NEU4: variants seen among roughly 807,000 people sequenced by gnomAD.
NEU4 encodes neuraminidase 4, also known as sialidase-4.
In NEU4, 7 loss-of-function variants were observed where a neutral mutation model predicts 9.9. That is an observed-to-expected ratio of 0.71 (90% CI 0.40 to 1.33). The LOEUF (loss-of-function observed/expected upper bound fraction) is 1.33, where lower values mean the gene tolerates loss of function less well. NEU4 is among the 40% of genes most tolerant of loss of function. The pLI, the probability that NEU4 is intolerant of heterozygous loss-of-function variation, is 0.01. For missense variants in NEU4, 717 were observed against 712.6 expected (o/e 1.01, Z -0.07); for synonymous variants, 348 against 316.9 (o/e 1.10, Z -1.04).
intron 1 of NEU4, chr2:241,814,278 G>A (rs1487116051): frequency 2.6e-5 from 16 of 621,236 alleles, no homozygotes; most frequent in Non-Finnish European, 4.4e-5. Flanking sequence ...GAGTGGGTGC[G>A]AGGGAGGGTG....
In NEU4 at chr2:241,815,743, G is replaced by A. The variant is rs1007306526; in HGVS notation, c.458-308G>A. ...ACAGCAGGGAGTGCAGCAGACACAT[G>A]GCCAACCCAGGGACCCCACTGCAGG... is the stretch of plus-strand genomic sequence containing the variant. On this transcript the variant is annotated intron_variant, in intron 3 of 3. Coordinates refer to ENST00000407683, the MANE Select transcript of NEU4 (RefSeq NM_001167600.3). 5.3e-6 allele frequency: 3 copies of A among 568,832 alleles called. No individual in the cohort carries two copies. The Admixed American group carries it at 9.0e-5, about 17-fold the overall frequency. 35.2% of individuals were successfully genotyped at this position (568,832 alleles called of 1,614,324 possible).
chr2:241,815,330 G>C (rs1164117972), intron 3 of NEU4, 183 bp downstream of exon 3: 2 of 910,254 alleles, frequency 2.2e-6, no homozygotes, highest in African/African-American at 1.7e-5. Flanking sequence ...CCCCAGGACC[G>C]TCCTGAGCCT....
At chr2:241,811,282 C>A (rs974829918) in intron 1 of NEU4, 1 of 1,284,674 alleles carries the variant, frequency 7.8e-7, no homozygotes, top group African/African-American at 1.5e-5. Context: ...ATCTGCACCC[C>A]TGGCCCTGCT....
chr2:241,814,159 C>A, intron 1 of NEU4: 1 of 647,362 alleles, frequency 1.5e-6, no homozygotes, highest in Non-Finnish European at 2.9e-6. Context: ...GTCCCGGGGG[C>A]TCTCTGGCCA....
At position 241,811,143 on chromosome 2, in the gene NEU4, G is replaced by C. The variant is rs887031653; in HGVS notation, c.-4+1869G>C. ...GGAGGTCAACTGCGGCCTCACAGCT[G>C]GGCCTGTCCCAGCACAGCCCTTGTT... is the stretch of plus-strand genomic sequence containing the variant. On this transcript the variant is annotated intron_variant, in intron 1 of 3. Transcript: ENST00000407683. The C allele has an allele frequency of 6.6e-6, 8 of 1,220,384 alleles. No individual in the cohort carries two copies. In the South Asian group the frequency reaches 3.4e-4, roughly 52 times the overall value. 75.6% of individuals were successfully genotyped at this position (1,220,384 alleles called of 1,614,324 possible).
chr2:241,814,594 T>A lies in NEU4; in HGVS notation c.110T>A (p.Leu37Gln), dbSNP rs768391329. 5.0e-6 allele frequency: 8 copies of A among 1,611,574 alleles called. No individual in the cohort carries two copies. In the African/African-American group the frequency reaches 1.1e-4, roughly 22 times the overall value. ...CCCGTGCCCCCCGGGCCCACCCTGC[T>A]GGCCTTTGTGGAGCAGCGGCTCAGC... ...LLPVPPGPTL[L>Q]AFVEQRLSPD... Residue 37 changes from leucine (L) to glutamine (Q), a missense_variant, in exon 2 of 4, where the codon CTG becomes CAG. Physicochemically the swap from Leu to Gln is moderately radical, Grantham distance 113. Coordinates refer to ENST00000407683, the MANE Select transcript of NEU4 (RefSeq NM_001167600.3).
At position 241,816,240 on chromosome 2, in the gene NEU4, C is replaced by T; in HGVS notation, c.647C>T (p.Pro216Leu). The change falls in exon 4 of 4, where the codon CCC becomes CTC. Residue 216 changes from proline (P) to leucine (L), a missense_variant. Transcript: ENST00000407683. Reference protein sequence around the residue: ...GRTWRCGGLVPNLRSGECQLA... With the variant: ...GRTWRCGGLVLNLRSGECQLA... ...ACCTGGCGCTGTGGAGGCCTCGTGC[C>T]CAACCTGCGCTCAGGCGAGTGCCAG... 1 of 1,610,600 alleles carries T rather than the reference C, an allele frequency of 6.2e-7. No individual in the cohort carries two copies. The highest frequency in any genetic ancestry group is 8.5e-7 in the Non-Finnish European group (1 of 1,179,114).
Position 241,816,714 on chromosome 2 carries a change from G to T in NEU4, c.1121G>T (p.Ser374Ile). The part of the protein sequence containing the change: ...LPMPFAAPPQ[S>I]PTWLLYSHPV... ...ATGCCCTTTGCTGCCCCGCCCCAGA[G>T]CCCCACGTGGCTGCTGTACTCCCAC... Residue 374 changes from serine to isoleucine, a missense_variant, in exon 4 of 4, where the codon AGC (serine) becomes ATC (isoleucine). Ser to Ile is a moderately radical substitution (Grantham distance 142). Transcript: ENST00000407683. 1 of 1,544,772 alleles carries T rather than the reference G, an allele frequency of 6.5e-7. No individual in the cohort carries two copies.
At chr2:241,813,445 G>A (rs1700191579) in intron 1 of NEU4, 1 of 1,141,224 alleles carries the variant, frequency 8.8e-7, no homozygotes, top group South Asian at 1.8e-5. Context: ...CCACCTCCCT[G>A]TGCCGGGCTG....
At chr2:241,811,665 G>T in intron 1 of NEU4, 1 of 413,452 alleles carries the variant, frequency 2.4e-6, no homozygotes. Flanking sequence ...GGCCCCTCCA[G>T]CAAGAGGTCC....
intron 1 of NEU4, chr2:241,813,632 C>T (rs780229391): frequency 3.2e-5 from 28 of 873,876 alleles, no homozygotes; most frequent in South Asian, 9.7e-5. Context: ...GGGCCCCACT[C>T]GGCTTTGGAG....
At chr2:241,815,776 G>GC in intron 3 of NEU4, 5 of 586,102 alleles carry the variant, frequency 8.5e-6, no homozygotes, top group South Asian at 8.0e-5. Context: ...AGGGCCTCAT[G>GC]CCCCCCGCCT....
chr2:241,813,537 G>C, intron 1 of NEU4: 1 of 1,253,026 alleles, frequency 8.0e-7, no homozygotes, highest in Non-Finnish European at 1.0e-6. Context: ...GCAACAAGCA[G>C]ACCCCATGCG....
At position 241,815,163 on chromosome 2, in the gene NEU4, G is replaced by A. The variant is rs1575382657; in HGVS notation, c.457+16G>A. The A allele has an allele frequency of 6.6e-7, 1 of 1,523,718 alleles. No homozygotes were observed. The highest frequency in any genetic ancestry group is 2.3e-5 in the East Asian group (1 of 43,418). 94.4% of individuals were successfully genotyped at this position (1,523,718 alleles called of 1,614,324 possible). ...GCCGTGCAGGGTAGGCGGGCAGGGT[G>A]CCGGTCTGGGTCCCTTTGATTGGCC... On this transcript the variant is annotated intron_variant, in intron 3 of 3. Transcript: ENST00000407683.
At position 241,816,505 on chromosome 2, in the gene NEU4, C is replaced by G. The variant is rs900719897; in HGVS notation, c.912C>G (p.Leu304=). Residue 304 remains leucine, a synonymous_variant, in exon 4 of 4, where the codon CTC becomes CTG. Transcript: ENST00000407683. ...DSWSVGPGSP[L]QPPLLGPGVH... is the part of the protein sequence containing the mutation. ...GGTCAGTGGGCCCCGGGAGTCCCCT[C>G]CAGCCTCCACTCCTCGGTCCTGGAG... 3 of 1,610,596 alleles carry G rather than the reference C, an allele frequency of 1.9e-6. No homozygotes were observed. Among genetic ancestry groups the G allele is most frequent in the Admixed American group, 3.3e-5 (2 of 59,856 alleles).
At chr2:241,809,335 T>A in intron 1 of NEU4, 61 bp downstream of exon 1, 2 of 1,009,018 alleles carry the variant, frequency 2.0e-6, no homozygotes, top group South Asian at 2.8e-5. Context: ...GTGTGTAGTT[T>A]GCAGTAGAGA....
In NEU4 at chr2:241,814,685, GGTGA is replaced by G. The variant is rs1216997471; in HGVS notation, c.201+8_201+11del. 3 of 1,547,568 alleles carry G rather than the reference GGTGA, an allele frequency of 1.9e-6. No homozygotes were observed. The highest frequency in any genetic ancestry group is 2.6e-6 in the Non-Finnish European group (3 of 1,149,086). ...GCACGCTGGCCGGGGGCTCCGTGCG[GGTGA>G]GTGAGTGGCCGGGGGCTCTGTGTGG... On this transcript the variant is annotated splice_donor_variant and splice_donor_region_variant and intron_variant, in intron 2 of 3. Coordinates refer to ENST00000407683, the MANE Select transcript of NEU4 (RefSeq NM_001167600.3). LOFTEE classifies it high-confidence loss of function.
At chr2:241,811,434 G>T in intron 1 of NEU4, 1 of 1,565,868 alleles carries the variant, frequency 6.4e-7, no homozygotes, top group African/African-American at 1.4e-5. Context: ...CACCCATGAT[G>T]AGCTCTGCAG....
intron 1 of NEU4, 155 bp downstream of exon 1, chr2:241,809,429 C>T (rs896206346): frequency 1.8e-5 from 7 of 385,972 alleles, no homozygotes; most frequent in African/African-American, 1.3e-4. Context: ...AAAAGGGGGA[C>T]ACAGAGTAGC....
Sources: allele counts gnomAD v4.1 joint callset, GRCh38; gene constraint gnomAD v4.1.1; transcripts MANE v1.5; gene names NCBI Gene and HGNC (gene_info 2026-07-23, HGNC 2026-07-21).